Variants in EPB41L4A observed in about 807,000 individuals in gnomAD.
EPB41L4A encodes the protein band 4.1-like protein 4A.
A neutral mutation model predicts 108.6 loss-of-function variants in EPB41L4A; 100 were observed. The observed-to-expected ratio is 0.92, with a 90% CI of 0.78 to 1.09. The LOEUF is 1.09. EPB41L4A is among the 50% of genes least tolerant of loss of function. The probability of loss-of-function intolerance (pLI) is 0.00; values close to 1 mark genes in which losing one functional copy is unlikely to be tolerated. For missense variants in EPB41L4A, 1,030 were observed against 842.7 expected (o/e 1.22, Z -2.75); for synonymous variants, 319 against 289.0 (o/e 1.10, Z -1.05).
At chr5:112,154,076 G>A (rs910107442) in intron 12 of EPB41L4A, among the ~76,000 whole-genome samples, 10 of 152,168 alleles carry the variant, frequency 6.6e-5, no homozygotes, top group African/African-American at 2.2e-4. Context: ...GGGAAGTACT[G>A]TAATAATAAG....
At chr5:112,283,360 G>C (rs974856039) in intron 2 of EPB41L4A, among the ~76,000 whole-genome samples, 3 of 152,130 alleles carry the variant, frequency 2.0e-5, no homozygotes, top group Non-Finnish European at 2.9e-5. Flanking sequence ...CAGAAGCCAA[G>C]ATCTTGAAAT....
chr5:112,258,729 G>A (rs1246461220), intron 9 of EPB41L4A, among the ~76,000 whole-genome samples: 2 of 152,188 alleles, frequency 1.3e-5, no homozygotes, highest in African/African-American at 2.4e-5. Context: ...AAGTTGCAAA[G>A]CAAAGGCCGG....
chr5:112,155,225 T>C (rs1380348089), intron 12 of EPB41L4A, among the ~76,000 whole-genome samples: 1 of 152,218 alleles, frequency 6.6e-6, no homozygotes, highest in African/African-American at 2.4e-5. Flanking sequence ...CACAGATTTA[T>C]ATTTTCCCAG....
At chr5:112,315,868 A>C (rs1561564912) in intron 1 of EPB41L4A, among the ~76,000 whole-genome samples, 1 of 152,332 alleles carries the variant, frequency 6.6e-6, no homozygotes, top group Admixed American at 6.5e-5. Flanking sequence ...AATAAAAATA[A>C]AGGGAGCACC....
At chr5:112,216,315 TAA>T (rs1272089895) in intron 12 of EPB41L4A, among the ~76,000 whole-genome samples, 4 of 152,356 alleles carry the variant, frequency 2.6e-5, no homozygotes, top group Non-Finnish European at 5.9e-5. Context: ...ACAAAATTCA[TAA>T]GTCAATTTGA....
chr5:112,350,021 C>T (rs1055617054), intron 1 of EPB41L4A, among the ~76,000 whole-genome samples: 2 of 152,104 alleles, frequency 1.3e-5, no homozygotes, highest in African/African-American at 2.4e-5. Context: ...ATTGCCCAAC[C>T]GAACTGTTGC....
chr5:112,185,327 T>C (rs1363469643), intron 17 of EPB41L4A, among the ~76,000 whole-genome samples: 1 of 152,188 alleles, frequency 6.6e-6, no homozygotes, highest in Non-Finnish European at 1.5e-5. Context: ...CAGATGTCTT[T>C]TGGTTCCTCT....
At chr5:112,231,503 T>C (rs1457156612) in intron 12 of EPB41L4A, among the ~76,000 whole-genome samples, 3 of 152,118 alleles carry the variant, frequency 2.0e-5, no homozygotes, top group African/African-American at 7.2e-5. Context: ...AAGATCCACC[T>C]GGCCGGGCGC....
intron 21 of EPB41L4A, 50 bp from the exon 22 acceptor site, chr5:112,168,870 ATAAAT>A (rs770590756): frequency 1.7e-5 from 26 of 1,557,144 alleles, no homozygotes; most frequent in African/African-American, 1.5e-4. Context: ...ATCTAGAATC[ATAAAT>A]TAAGTTGGAA....
intron 1 of EPB41L4A, among the ~76,000 whole-genome samples, chr5:112,403,921 A>C (rs1761935252): frequency 6.6e-6 from 1 of 152,240 alleles, no homozygotes; most frequent in African/African-American, 2.4e-5. Context: ...ACCTCCAAAA[A>C]TTTGAAAAGC....
chr5:112,274,239 C>T (rs1752467659), intron 4 of EPB41L4A, among the ~76,000 whole-genome samples: 1 of 152,082 alleles, frequency 6.6e-6, no homozygotes, highest in Non-Finnish European at 1.5e-5. Context: ...ATGATTACAC[C>T]ACTACACTCT....
At chr5:112,368,547 C>T (rs1326397150) in intron 1 of EPB41L4A, among the ~76,000 whole-genome samples, 3 of 152,166 alleles carry the variant, frequency 2.0e-5, no homozygotes, top group Non-Finnish European at 4.4e-5. Flanking sequence ...TCTTGGTGTT[C>T]CAGCCTCTCT....
chr5:112,149,621 A>C (rs531139722), intron 12 of EPB41L4A, among the ~76,000 whole-genome samples: 97 of 152,366 alleles, frequency 6.4e-4, no homozygotes, highest in African/African-American at 2.3e-3. Flanking sequence ...TTCAAGGAAC[A>C]AATTGAAAAA....
intron 1 of EPB41L4A, among the ~76,000 whole-genome samples, chr5:112,354,002 T>C (rs770352854): frequency 5.3e-5 from 8 of 152,146 alleles, no homozygotes; most frequent in Non-Finnish European, 7.4e-5. Flanking sequence ...ACAGGCAACT[T>C]TGAAAACCAT....
chr5:112,237,788 G>T (rs1749457164), intron 11 of EPB41L4A, among the ~76,000 whole-genome samples: 1 of 152,026 alleles, frequency 6.6e-6, no homozygotes, highest in African/African-American at 2.4e-5. Context: ...CTAACCTCTG[G>T]GCATCGTCTT....
intron 1 of EPB41L4A, among the ~76,000 whole-genome samples, chr5:112,383,343 G>C (rs1760290896): frequency 6.6e-6 from 1 of 152,104 alleles, no homozygotes; most frequent in Non-Finnish European, 1.5e-5. Context: ...AATAAAAATA[G>C]CATTTAAAAC....
chr5:112,287,454 C>A (rs1753363942), intron 2 of EPB41L4A, among the ~76,000 whole-genome samples: 1 of 152,194 alleles, frequency 6.6e-6, no homozygotes, highest in South Asian at 2.1e-4. Context: ...GTCCAAGCAG[C>A]CATTATCTTT....
intron 22 of EPB41L4A, among the ~76,000 whole-genome samples, chr5:112,167,320 T>A (rs1760310237): frequency 1.3e-5 from 2 of 152,186 alleles, no homozygotes; most frequent in Non-Finnish European, 2.9e-5. Context: ...ATCATGAATA[T>A]AATTTTGAAA....
At chr5:112,148,961 T>A (rs948860050) in intron 12 of EPB41L4A, among the ~76,000 whole-genome samples, 8 of 152,194 alleles carry the variant, frequency 5.3e-5, no homozygotes, top group African/African-American at 1.9e-4. Flanking sequence ...GCAATTACCA[T>A]GCTAATTTAA....
Sources: allele counts gnomAD v4.1 joint callset (sites outside exome capture counted in the v4.1 genomes callset), GRCh38; gene constraint gnomAD v4.1.1; transcripts MANE v1.5; gene names NCBI Gene and HGNC (gene_info 2026-07-23, HGNC 2026-07-21).